Variants in DGKB observed in about 807,000 individuals in gnomAD.
DGKB encodes the protein diacylglycerol kinase beta.
Under a neutral mutation model 114.3 loss-of-function variants are expected in DGKB, and 67 were observed. The ratio of observed to expected loss-of-function variants is 0.59; its 90% confidence interval spans 0.48 to 0.72. The LOEUF is 0.72. DGKB is among the 30% of genes least tolerant of loss of function. DGKB has a pLI of 0.00. For missense variants in DGKB, 907 were observed against 975.2 expected (o/e 0.93, Z 0.93); for synonymous variants, 398 against 323.1 (o/e 1.23, Z -2.49).
chr7:14,905,589 G>T (rs1392450890), upstream of DGKB, among the ~76,000 whole-genome samples: 1 of 152,076 alleles, frequency 6.6e-6, no homozygotes, highest in African/African-American at 2.4e-5. Flanking sequence ...TCATCAATTT[G>T]TGAAAATATA....
intron 1 of DGKB, among the ~76,000 whole-genome samples, chr7:14,922,876 C>G (rs375284414): frequency 6.6e-6 from 1 of 152,304 alleles, no homozygotes; most frequent in Non-Finnish European, 1.5e-5. Flanking sequence ...ATTGAAACAT[C>G]TATTCTTTCA....
At chr7:14,176,579 T>C (rs1003821756) in intron 25 of DGKB, 1 of 1,154,552 alleles carries the variant, frequency 8.7e-7, no homozygotes, top group Non-Finnish European at 1.1e-6. Flanking sequence ...AATTGATCTA[T>C]GGTTTATAAT....
chr7:14,946,721 T>G lies in DGKB; in HGVS notation c.-188+27975A>C, dbSNP rs527406150. Among the ~76,000 whole-genome samples the G allele has an allele frequency of 7.2e-5, 11 of 151,854 alleles. No individual in the cohort carries two copies. In the South Asian group the frequency reaches 2.1e-3, roughly 29 times the overall value. ...ACCAAATATCCTAGCCATTGAAGAATAGAAACTGGAAAGCCTCTTCGGTCT... is the reference window on the plus strand; with the variant it reads ...ACCAAATATCCTAGCCATTGAAGAAGAGAAACTGGAAAGCCTCTTCGGTCT... On this transcript the variant is annotated intron_variant, in intron 1 of 4. Coordinates refer to the DGKB transcript ENST00000437998.
intron 23 of DGKB, among the ~76,000 whole-genome samples, chr7:14,195,855 A>G (rs764566973): frequency 2.6e-5 from 4 of 152,158 alleles, no homozygotes; most frequent in Non-Finnish European, 5.9e-5. Flanking sequence ...GGTTGCATGT[A>G]AGTCTTACGT....
Position 14,853,867 on chromosome 7 carries a change from C to CAAAAA in DGKB, c.-187-12422_-187-12418dup, listed in dbSNP as rs56269565. Among the ~76,000 whole-genome samples the CAAAAA allele has an allele frequency of 3.0e-3, 310 of 103,964 alleles. 8 individuals are homozygous for CAAAAA. The highest frequency in any genetic ancestry group is 0.011 in the African/African-American group (298 of 28,362). The allele number at this position is 103,964 out of a possible 152,430, so 68.2% of individuals were successfully genotyped here. On this transcript the variant is annotated intron_variant, in intron 1 of 25. Transcript: ENST00000402815. ...TGGGCGACAGACCGAGACTCCGTCT[C>CAAAAA]AAAAAAAAAAAAAAAAAAAAAAAAA...
chr7:14,324,928 G>A (rs929888146), intron 23 of DGKB, among the ~76,000 whole-genome samples: 2 of 152,048 alleles, frequency 1.3e-5, no homozygotes, highest in East Asian at 1.9e-4. Flanking sequence ...CTTTCTTCTC[G>A]TATTGAGTCT....
At chr7:14,940,593 G>C (rs533618802) in intron 1 of DGKB, among the ~76,000 whole-genome samples, 1 of 152,118 alleles carries the variant, frequency 6.6e-6, no homozygotes, top group Non-Finnish European at 1.5e-5. Context: ...TGGCCCACAG[G>C]CCATATGCAG....
rs1448844897 is a variant in DGKB, at chr7:14,172,435, T to C, written c.2304+4404A>G. On this transcript the variant is annotated intron_variant, in intron 25 of 25. Transcript: ENST00000402815. ...GGGCCAAATCTAAAACAGTGGTTAATAGGGAGAGAAAGAAAGGAAAAGATT... is the reference window on the plus strand; with the variant it reads ...GGGCCAAATCTAAAACAGTGGTTAACAGGGAGAGAAAGAAAGGAAAAGATT... 5.3e-5 allele frequency among the ~76,000 whole-genome samples: 8 copies of C among 152,212 alleles called. No individual in the cohort carries two copies. The East Asian group carries it at 1.5e-3, about 29-fold the overall frequency.
chr7:14,966,942 C>A (rs1787190131), intron 1 of DGKB, among the ~76,000 whole-genome samples: 1 of 151,954 alleles, frequency 6.6e-6, no homozygotes, highest in Non-Finnish European at 1.5e-5. Context: ...CAAATTTCAT[C>A]TTAAGGAAAT....
rs1811087212 is a variant in DGKB, at chr7:14,338,553, G to A, written c.2084C>T (p.Thr695Ile). The change falls in exon 23 of 26, where the codon ACC becomes ATC. Residue 695 changes from threonine to isoleucine, a missense_variant. By Grantham distance (89) the Thr-to-Ile change is moderately conservative (BLOSUM62 -1). Coordinates refer to ENST00000402815, the MANE Select transcript of DGKB (RefSeq NM_001350709.2). ...CTTCAACTCTTTGGCATCTGTGACG[G>A]TGGTCCTTTTGTCAGACCCTTTTTT... The part of the protein sequence containing the change: ...IEKKGSDKRT[T>I]VTDAKELKFA... The A allele has an allele frequency of 6.3e-7, 1 of 1,594,850 alleles. No individual in the cohort carries two copies. Among genetic ancestry groups the A allele is most frequent in the Non-Finnish European group, 8.5e-7 (1 of 1,171,638 alleles).
chr7:14,268,960 G>C (rs1005034574), intron 23 of DGKB: 1 of 152,168 alleles, frequency 6.6e-6, no homozygotes, highest in Non-Finnish European at 1.5e-5. Context: ...GTGGGTCAAG[G>C]ATTCAGGGCC....
intron 23 of DGKB, among the ~76,000 whole-genome samples, chr7:14,267,927 A>G (rs1452926552): frequency 6.6e-6 from 1 of 152,184 alleles, no homozygotes; most frequent in Non-Finnish European, 1.5e-5. Flanking sequence ...GAACAATTCT[A>G]CTAACTAGGT....
chr7:14,162,036 G>A (rs1783980096), intron 25 of DGKB, among the ~76,000 whole-genome samples: 1 of 152,068 alleles, frequency 6.6e-6, no homozygotes, highest in Admixed American at 6.6e-5. Flanking sequence ...TGATAAGCAG[G>A]CTCACTCTTT....
chr7:14,182,841 G>C (rs114045245), intron 23 of DGKB, among the ~76,000 whole-genome samples: 1,697 of 152,278 alleles, frequency 0.011, 26 homozygotes, highest in African/African-American at 0.039. Flanking sequence ...AAACAGAAGA[G>C]AATGCATTAC....
intron 6 of DGKB, among the ~76,000 whole-genome samples, chr7:14,709,753 G>A (rs1381644121): frequency 2.5e-4 from 36 of 144,182 alleles, no homozygotes; most frequent in African/African-American, 8.0e-4. Flanking sequence ...ACTCAGAGGT[G>A]GGAATTGAAC....
At chr7:14,915,384 A>G (rs1344286294) in intron 1 of DGKB, among the ~76,000 whole-genome samples, 1 of 152,148 alleles carries the variant, frequency 6.6e-6, no homozygotes, top group East Asian at 1.9e-4. Context: ...CCCTAACGCC[A>G]TAAGAAAAGG....
intron 16 of DGKB, among the ~76,000 whole-genome samples, chr7:14,610,566 C>T (rs1022451184): frequency 4.6e-5 from 7 of 151,910 alleles, no homozygotes; most frequent in African/African-American, 1.7e-4. Context: ...GTTTTATATA[C>T]ATGTGAAAAT....
intron 23 of DGKB, among the ~76,000 whole-genome samples, chr7:14,254,738 TG>T (rs1476393837): frequency 1.3e-5 from 2 of 152,012 alleles, no homozygotes; most frequent in African/African-American, 4.8e-5. Flanking sequence ...TGTCTCTGTT[TG>T]TTTTCCTCCA....
chr7:14,914,022 T>G (rs1306932435), intron 1 of DGKB, among the ~76,000 whole-genome samples: 1 of 152,118 alleles, frequency 6.6e-6, no homozygotes, highest in African/African-American at 2.4e-5. Context: ...TGGTGAAGAC[T>G]GGAGAAAAAT....
Sources: gnomAD v4.1 joint callset for allele counts (sites outside exome capture counted in the v4.1 genomes callset) on GRCh38, gnomAD v4.1.1 for gene constraint, MANE v1.5 for transcripts, NCBI Gene and HGNC (gene_info 2026-07-23, HGNC 2026-07-21) for gene names.